RASAL2: variants seen among roughly 807,000 people sequenced by gnomAD.
RASAL2 encodes ras GTPase-activating protein nGAP.
RASAL2 carries 58 observed loss-of-function variants against 128.9 expected under a neutral mutation model. That is an observed-to-expected ratio of 0.45 (90% CI 0.36 to 0.56). RASAL2 has a LOEUF of 0.56. RASAL2 is among the 20% of genes least tolerant of loss of function. The probability of loss-of-function intolerance (pLI) is 0.00; values close to 1 mark genes in which losing one functional copy is unlikely to be tolerated. For synonymous variants in RASAL2, 561 were observed against 580.8 expected (o/e 0.97, Z 0.49); for missense variants, 1,360 against 1,601.6 (o/e 0.85, Z 2.57).
chr1:178,221,924 A>G (rs998918059), intron 1 of RASAL2, among the ~76,000 whole-genome samples: 4 of 152,182 alleles, frequency 2.6e-5, no homozygotes, highest in Non-Finnish European at 4.4e-5. Context: ...TTTGCTTCCT[A>G]TCTCTTAATG....
At chr1:178,121,472 T>C (rs1399769049) in intron 1 of RASAL2, among the ~76,000 whole-genome samples, 2 of 152,000 alleles carry the variant, frequency 1.3e-5, no homozygotes, top group East Asian at 3.9e-4. Context: ...ATTTCTGCTT[T>C]CTCTTCATCA....
intron 4 of RASAL2, among the ~76,000 whole-genome samples, chr1:178,393,871 G>C (rs1369570563): frequency 6.6e-6 from 1 of 152,034 alleles, no homozygotes; most frequent in Non-Finnish European, 1.5e-5. Flanking sequence ...GACCAGAATC[G>C]AACGAGTTTA....
intron 3 of RASAL2, among the ~76,000 whole-genome samples, chr1:178,383,083 G>T (rs1487481547): frequency 1.3e-5 from 2 of 152,072 alleles, no homozygotes; most frequent in African/African-American, 2.4e-5. Flanking sequence ...TTAACAAGAA[G>T]AAATATTAAA....
At chr1:178,268,596 G>A (rs1666096938) in intron 1 of RASAL2, among the ~76,000 whole-genome samples, 1 of 152,064 alleles carries the variant, frequency 6.6e-6, no homozygotes, top group Admixed American at 6.5e-5. Flanking sequence ...ACTCCAGCCT[G>A]GGCAACAAAG....
chr1:178,213,523 T>C (rs1663325547), intron 1 of RASAL2, among the ~76,000 whole-genome samples: 1 of 152,196 alleles, frequency 6.6e-6, no homozygotes, highest in Non-Finnish European at 1.5e-5. Flanking sequence ...AACAGTTAAA[T>C]TATGATACGA....
At chr1:178,333,252 C>A (rs570276842) in intron 3 of RASAL2, among the ~76,000 whole-genome samples, 23 of 152,176 alleles carry the variant, frequency 1.5e-4, no homozygotes, top group African/African-American at 5.3e-4. Flanking sequence ...TGGTCTCGAT[C>A]TCCTGACCTT....
intron 1 of RASAL2, among the ~76,000 whole-genome samples, chr1:178,260,387 T>A (rs868253185): frequency 0.026 from 869 of 33,152 alleles, 205 homozygotes; most frequent in Non-Finnish European, 0.036. Flanking sequence ...TATATATATA[T>A]ATATATATAT....
At chr1:178,158,145 A>T (rs968346176) in intron 1 of RASAL2, among the ~76,000 whole-genome samples, 3 of 152,234 alleles carry the variant, frequency 2.0e-5, no homozygotes, top group Non-Finnish European at 4.4e-5. Context: ...TTCTCTATTT[A>T]ACTCACAGCA....
At chr1:178,193,711 A>C (rs928471399) in intron 1 of RASAL2, among the ~76,000 whole-genome samples, 5 of 152,090 alleles carry the variant, frequency 3.3e-5, no homozygotes, top group African/African-American at 1.2e-4. Context: ...CTTGTACCTA[A>C]ACACTTAGAT....
At chr1:178,379,757 A>G (rs920199669) in intron 3 of RASAL2, among the ~76,000 whole-genome samples, 1 of 151,986 alleles carries the variant, frequency 6.6e-6, no homozygotes, top group Non-Finnish European at 1.5e-5. Context: ...AGTGTAGAAC[A>G]GAAGATGTTC....
chr1:178,199,517 C>G (rs1662790412), intron 1 of RASAL2, among the ~76,000 whole-genome samples: 1 of 151,930 alleles, frequency 6.6e-6, no homozygotes, highest in Non-Finnish European at 1.5e-5. Context: ...TTCATAAAAC[C>G]AAAAAATTGG....
chr1:178,130,176 T>C (rs1243261774), intron 1 of RASAL2, among the ~76,000 whole-genome samples: 1 of 152,202 alleles, frequency 6.6e-6, no homozygotes. Flanking sequence ...TTGATTTTTT[T>C]AAAGGCCAAT....
chr1:178,256,558 C>G (rs1321807500), intron 1 of RASAL2, among the ~76,000 whole-genome samples: 1 of 152,140 alleles, frequency 6.6e-6, no homozygotes. Context: ...AAAACTATTT[C>G]TGTTTGCAAG....
intron 1 of RASAL2, among the ~76,000 whole-genome samples, chr1:178,141,714 T>C (rs778208420): frequency 2.0e-5 from 3 of 152,084 alleles, no homozygotes; most frequent in Non-Finnish European, 4.4e-5. Flanking sequence ...AGCAGGCTGG[T>C]CCAGGGATCC....
In RASAL2 at chr1:178,457,947, C is replaced by A. The variant is rs1262958992; in HGVS notation, c.2655C>A (p.Ala885=). The change falls in exon 14 of 18, where the codon GCC becomes GCA. Residue 885 remains alanine (A), a synonymous_variant. Coordinates refer to ENST00000367649, the MANE Select transcript of RASAL2 (RefSeq NM_170692.4). ...TGSQLSITQV[A]SIKQLRETQS... Reference sequence around the variant, plus strand: ...GCCAGCTTTCCATAACCCAGGTGGCCAGCATCAAACAGCTGCGGGAAACCC... The same window carrying A: ...GCCAGCTTTCCATAACCCAGGTGGCAAGCATCAAACAGCTGCGGGAAACCC... 5 of 1,614,130 alleles carry A rather than the reference C, an allele frequency of 3.1e-6. No homozygotes were observed. The highest frequency in any genetic ancestry group is 4.2e-6 in the Non-Finnish European group (5 of 1,180,034).
chr1:178,457,086 G>T (rs1198314207), intron 13 of RASAL2, among the ~76,000 whole-genome samples, 187 bp downstream of exon 13: 1 of 152,166 alleles, frequency 6.6e-6, no homozygotes, highest in Non-Finnish European at 1.5e-5. Context: ...TTATTTTCTA[G>T]AATGGTAGTA....
At chr1:178,118,679 T>C (rs947300844) in intron 1 of RASAL2, among the ~76,000 whole-genome samples, 4 of 152,208 alleles carry the variant, frequency 2.6e-5, no homozygotes, top group Non-Finnish European at 5.9e-5. Flanking sequence ...TCTTTCAAAA[T>C]CTCTGCTAAT....
intron 1 of RASAL2, among the ~76,000 whole-genome samples, chr1:178,267,868 G>C (rs1162103226): frequency 6.6e-6 from 1 of 152,050 alleles, no homozygotes; most frequent in South Asian, 2.1e-4. Flanking sequence ...TTCCTGAATA[G>C]CTATCATTTT....
chr1:178,234,002 T>G (rs1189517076), intron 1 of RASAL2, among the ~76,000 whole-genome samples: 1 of 152,204 alleles, frequency 6.6e-6, no homozygotes, highest in Non-Finnish European at 1.5e-5. Context: ...ACAAATATAT[T>G]TAATTAGCAC....
Sources: allele counts gnomAD v4.1 joint callset (sites outside exome capture counted in the v4.1 genomes callset), GRCh38; gene constraint gnomAD v4.1.1; transcripts MANE v1.5; gene names NCBI Gene and HGNC (gene_info 2026-07-23, HGNC 2026-07-21).